Variants in NMT2 observed in about 807,000 individuals in gnomAD.
NMT2 encodes the protein N-myristoyltransferase 2.
NMT2 carries 35 observed loss-of-function variants against 65.4 expected under a neutral mutation model. The observed-to-expected ratio is 0.54, with a 90% CI of 0.41 to 0.71. The LOEUF is 0.71. Among genes scored for constraint, NMT2 ranks in the 30% least tolerant of loss-of-function variants. The probability of loss-of-function intolerance (pLI) is 0.00; values close to 1 mark genes in which losing one functional copy is unlikely to be tolerated. For synonymous variants in NMT2, 226 were observed against 231.8 expected (o/e 0.98, Z 0.23); for missense variants, 489 against 611.3 (o/e 0.80, Z 2.11).
intron 10 of NMT2, among the ~76,000 whole-genome samples, chr10:15,110,690 C>T (rs76508270): frequency 0.014 from 2,208 of 152,280 alleles, 25 homozygotes; most frequent in Non-Finnish European, 0.019. Context: ...AATTCAGAAA[C>T]GCTGAATCCC....
chr10:15,115,013 A>T (rs190701988), intron 9 of NMT2, among the ~76,000 whole-genome samples: 25 of 149,150 alleles, frequency 1.7e-4, no homozygotes, highest in Admixed American at 7.4e-4. Context: ...AAAAAAAATT[A>T]AAAAAAAAAA....
At chr10:15,156,485 C>T (rs1451372626) in intron 1 of NMT2, among the ~76,000 whole-genome samples, 1 of 152,074 alleles carries the variant, frequency 6.6e-6, no homozygotes, top group Non-Finnish European at 1.5e-5. Context: ...CGGACTAATA[C>T]GGGGCGGAGG....
chr10:15,116,386 C>T (rs11813731), intron 9 of NMT2, among the ~76,000 whole-genome samples: 5,396 of 152,078 alleles, frequency 0.035, 171 homozygotes, highest in African/African-American at 0.078. Context: ...TGAATGACAA[C>T]GAAGATACAA....
In NMT2 at chr10:15,119,227, C is replaced by A; in HGVS notation, c.1170+116G>T. 4.5e-6 allele frequency: 4 copies of A among 896,214 alleles called. No individual in the cohort carries two copies. The South Asian group carries it at 4.7e-5, about 10-fold the overall frequency. 55.5% of individuals were successfully genotyped at this position (896,214 alleles called of 1,614,324 possible). ...TATTAACTCTCTACCCTTTAGTACA[C>A]ATCTTTGTAATGTTCTGTGATGAAA... On this transcript the variant is annotated intron_variant, in intron 9 of 11. Coordinates refer to ENST00000378165, the MANE Select transcript of NMT2 (RefSeq NM_004808.3).
At chr10:15,142,476 A>G (rs1846810800) in intron 1 of NMT2, among the ~76,000 whole-genome samples, 1 of 152,178 alleles carries the variant, frequency 6.6e-6, no homozygotes, top group Admixed American at 6.6e-5. Context: ...GTGGGAAGAT[A>G]GCTTCAGCCT....
Position 15,132,803 on chromosome 10 carries a change from G to C in NMT2, c.719+14C>G, listed in dbSNP as rs1208719606. The C allele has an allele frequency of 6.4e-7, 1 of 1,550,606 alleles. No individual in the cohort carries two copies. The highest frequency in any genetic ancestry group is 1.4e-5 in the African/African-American group (1 of 73,026). On this transcript the variant is annotated intron_variant, in intron 6 of 11. Coordinates refer to ENST00000378165, the MANE Select transcript of NMT2 (RefSeq NM_004808.3). ...AAACATATAAAAACCGCATGGACGA[G>C]CTTAAACATGTACCTGTCATAAATC...
At chr10:15,136,043 C>T (rs988716791) in intron 2 of NMT2, among the ~76,000 whole-genome samples, 1 of 152,064 alleles carries the variant, frequency 6.6e-6, no homozygotes, top group Non-Finnish European at 1.5e-5. Context: ...GCCTGGCCAA[C>T]ACGGTGAAAC....
intron 8 of NMT2, among the ~76,000 whole-genome samples, chr10:15,127,678 G>A (rs1044811131): frequency 7.9e-5 from 12 of 151,552 alleles, no homozygotes; most frequent in East Asian, 3.9e-4. Flanking sequence ...TGAAGCAGGC[G>A]GTTCACTTGA....
In NMT2 at chr10:15,125,190, G is replaced by T. The variant is rs186909037; in HGVS notation, c.999+3160C>A. Among the ~76,000 whole-genome samples the T allele has an allele frequency of 2.0e-3, 309 of 152,284 alleles. 4 individuals carry two copies. Among genetic ancestry groups the T allele is most frequent in the Non-Finnish European group, 3.8e-4 (26 of 68,024 alleles). On this transcript the variant is annotated intron_variant, in intron 8 of 11. Transcript: ENST00000378165. The stretch of plus-strand genomic sequence containing the variant: ...AGTACTAACTTCAAAAGGTTGCTGT[G>T]AGAATAAATTGAATAATGTATTTGA...
At chr10:15,162,132 G>A (rs1833219435) in intron 1 of NMT2, among the ~76,000 whole-genome samples, 1 of 151,710 alleles carries the variant, frequency 6.6e-6, no homozygotes, top group African/African-American at 2.4e-5. Context: ...TGTGCCTGTA[G>A]TCCTAGCTAC....
At chr10:15,138,353 T>C (rs1459626243) in intron 2 of NMT2, 2 of 471,040 alleles carry the variant, frequency 4.2e-6, no homozygotes, top group Admixed American at 4.7e-5. Context: ...TAAACACAAT[T>C]TCCAAATCCA....
At chr10:15,119,931 C>A (rs1393998263) in intron 8 of NMT2, among the ~76,000 whole-genome samples, 3 of 152,204 alleles carry the variant, frequency 2.0e-5, no homozygotes, top group Non-Finnish European at 2.9e-5. Context: ...ACATAGCCAA[C>A]TTAGCATGAC....
At chr10:15,136,551 G>T (rs1038502433) in intron 2 of NMT2, among the ~76,000 whole-genome samples, 1 of 151,920 alleles carries the variant, frequency 6.6e-6, no homozygotes, top group Non-Finnish European at 1.5e-5. Context: ...GGATGAAAAT[G>T]ATCAAGAAAA....
At chr10:15,127,322 C>T (rs1225782606) in intron 8 of NMT2, among the ~76,000 whole-genome samples, 3 of 151,458 alleles carry the variant, frequency 2.0e-5, no homozygotes, top group East Asian at 1.9e-4. Flanking sequence ...CCGAGGCAGG[C>T]GGATCACAAG....
chr10:15,108,763 T>C lies in NMT2; in HGVS notation c.*432A>G, dbSNP rs1037070463. The C allele has an allele frequency of 9.8e-7, 1 of 1,018,550 alleles. No homozygotes were observed. The highest frequency in any genetic ancestry group is 1.2e-6 in the Non-Finnish European group (1 of 852,626). 63.1% of individuals were successfully genotyped at this position (1,018,550 alleles called of 1,614,324 possible). A position where few individuals can be genotyped will look rare whatever the true frequency, so the allele number is the denominator to read the frequency against. On this transcript the variant is annotated 3_prime_UTR_variant, in exon 12 of 12. Coordinates refer to ENST00000378165, the MANE Select transcript of NMT2 (RefSeq NM_004808.3). Reference sequence around the variant, plus strand: ...GTAAAAAAAATTTCCAAATGGATCTTTTGTTCTGTTACATGGACAAATGTA... The same window carrying C: ...GTAAAAAAAATTTCCAAATGGATCTCTTGTTCTGTTACATGGACAAATGTA...
At chr10:15,119,595 C>T in intron 8 of NMT2, 82 bp from the exon 9 acceptor site, 8 of 1,179,882 alleles carry the variant, frequency 6.8e-6, no homozygotes, top group Non-Finnish European at 8.7e-6. Context: ...GTGTGGTCTG[C>T]AGACCAGCAG....
At chr10:15,140,797 G>A (rs1214355416) in intron 2 of NMT2, among the ~76,000 whole-genome samples, 2 of 152,222 alleles carry the variant, frequency 1.3e-5, no homozygotes, top group African/African-American at 4.8e-5. Context: ...GCTGCCATCT[G>A]TGCCACCAGA....
chr10:15,144,838 G>A (rs1163358197), intron 1 of NMT2, among the ~76,000 whole-genome samples: 1 of 152,134 alleles, frequency 6.6e-6, no homozygotes, highest in Non-Finnish European at 1.5e-5. Flanking sequence ...AAAAACAGCT[G>A]ACAGTTCCTC....
At chr10:15,132,988 A>AACAG (rs1564572199) in intron 5 of NMT2, 55 bp from the exon 6 acceptor site, 14 of 1,596,752 alleles carry the variant, frequency 8.8e-6, no homozygotes, top group Non-Finnish European at 1.1e-5. Flanking sequence ...AGAACACAGG[A>AACAG]ACAGACGCAG....
Sources: gnomAD v4.1 joint callset for allele counts (sites outside exome capture counted in the v4.1 genomes callset) on GRCh38, gnomAD v4.1.1 for gene constraint, MANE v1.5 for transcripts, NCBI Gene and HGNC (gene_info 2026-07-23, HGNC 2026-07-21) for gene names.